Variants in RABGAP1 observed in about 807,000 individuals in gnomAD.
The protein encoded by RABGAP1 is rab GTPase-activating protein 1.
In RABGAP1, 23 loss-of-function variants were observed where a neutral mutation model predicts 137.6. The observed-to-expected ratio is 0.17, with a 90% CI of 0.12 to 0.24. RABGAP1 has a LOEUF of 0.24. Ranked by LOEUF, RABGAP1 falls within the 10% of genes least tolerant of loss-of-function variation. The pLI, the probability that RABGAP1 is intolerant of heterozygous loss-of-function variation, is 1.00. For missense variants in RABGAP1, 906 were observed against 1,275.8 expected (o/e 0.71, Z 4.42); for synonymous variants, 451 against 450.7 (o/e 1.00, Z -0.01).
intron 11 of RABGAP1, among the ~76,000 whole-genome samples, chr9:123,010,731 T>C (rs1386486967): frequency 6.6e-6 from 1 of 152,170 alleles, no homozygotes; most frequent in Non-Finnish European, 1.5e-5. Flanking sequence ...TGTAACCCAG[T>C]TGGAAAAATG....
chr9:122,934,035 G>T, the RABGAP1 span, among the ~76,000 whole-genome samples: 1 of 151,604 alleles, frequency 6.6e-6, no homozygotes, highest in Non-Finnish European at 1.5e-5. Flanking sequence ...TACTGCGGTT[G>T]TAAGCCACTG....
chr9:123,021,712 TA>T (rs1415753289), intron 13 of RABGAP1, among the ~76,000 whole-genome samples: 4 of 152,342 alleles, frequency 2.6e-5, no homozygotes, highest in African/African-American at 7.2e-5. Context: ...CATCATCCTA[TA>T]TCCAGACAGA....
chr9:123,097,941 A>T, intron 22 of RABGAP1, 96 bp downstream of exon 22: 1 of 986,048 alleles, frequency 1.0e-6, no homozygotes, highest in Non-Finnish European at 1.5e-6. Context: ...ACCTAGAGAC[A>T]TCTGGCTTCA....
rs78148036 is a variant in RABGAP1 at position 123,006,152 on chromosome 9, T to A, written c.1375-4202T>A. ...TTTGTCACTTATCTTTTAGCTTACA[T>A]CATGGTGATTCTTTTTGGGTTTGTC... On this transcript the variant is annotated intron_variant, in intron 10 of 25. Coordinates refer to ENST00000373647, the MANE Select transcript of RABGAP1 (RefSeq NM_012197.4). 8.9e-3 allele frequency among the ~76,000 whole-genome samples: 1,354 copies of A among 152,328 alleles called. 16 individuals carry two copies. The highest frequency in any genetic ancestry group is 0.031 in the African/African-American group (1,280 of 41,578).
chr9:123,010,332 A>G (rs1314963333), intron 10 of RABGAP1, 22 bp from the exon 11 acceptor site: 3 of 1,576,494 alleles, frequency 1.9e-6, no homozygotes, highest in Non-Finnish European at 1.7e-6. Flanking sequence ...TGCTTAATAA[A>G]TAATATTTTT....
At chr9:123,051,206 A>C (rs1197537666) in intron 13 of RABGAP1, among the ~76,000 whole-genome samples, 1 of 37,094 alleles carries the variant, frequency 2.7e-5, no homozygotes, top group African/African-American at 7.9e-5. Context: ...TTGTGATTTT[A>C]TTCACCTTGG....
At chr9:122,975,319 T>A (rs1835707790) in intron 2 of RABGAP1, among the ~76,000 whole-genome samples, 1 of 152,208 alleles carries the variant, frequency 6.6e-6, no homozygotes. Flanking sequence ...AAGTTGGTAT[T>A]GTTGCAGTGA....
chr9:123,018,358 T>C (rs773218136), intron 12 of RABGAP1, among the ~76,000 whole-genome samples: 6 of 152,242 alleles, frequency 3.9e-5, no homozygotes, highest in Non-Finnish European at 7.3e-5. Context: ...ATTTTATCAA[T>C]GTAAATTAAG....
intron 15 of RABGAP1, chr9:123,071,407 T>C (rs1404478844): frequency 2.0e-5 from 3 of 152,232 alleles, no homozygotes; most frequent in Non-Finnish European, 4.4e-5. Flanking sequence ...TTTCTCATGA[T>C]TCAGTTTAAA....
chr9:122,970,364 T>C (rs1835405013), intron 2 of RABGAP1, among the ~76,000 whole-genome samples: 1 of 152,190 alleles, frequency 6.6e-6, no homozygotes, highest in African/African-American at 2.4e-5. Context: ...AAGCCAGGAC[T>C]TCAAGGCTGC....
intron 11 of RABGAP1, 73 bp downstream of exon 11, chr9:123,010,601 G>A (rs2030724482): frequency 7.3e-7 from 1 of 1,363,244 alleles, no homozygotes; most frequent in Admixed American, 2.0e-5. Flanking sequence ...CGTATCAGGG[G>A]ATTGATAATG....
chr9:123,006,558 C>T (rs1197077949), intron 10 of RABGAP1, among the ~76,000 whole-genome samples: 1 of 152,126 alleles, frequency 6.6e-6, no homozygotes, highest in Non-Finnish European at 1.5e-5. Flanking sequence ...TTCTGTTCCT[C>T]TGGTCTTGCA....
intron 1 of RABGAP1, among the ~76,000 whole-genome samples, chr9:122,952,694 C>A (rs1384013129): frequency 1.3e-5 from 2 of 152,138 alleles, no homozygotes; most frequent in African/African-American, 2.4e-5. Context: ...TAGGATCACA[C>A]TACCACATTC....
chr9:122,996,466 T>C (rs1837027971), intron 7 of RABGAP1, 73 bp from the exon 8 acceptor site: 5 of 1,412,356 alleles, frequency 3.5e-6, no homozygotes, highest in Admixed American at 4.3e-5. Context: ...GAATTTGTTT[T>C]TAAAGTGGCC....
chr9:123,008,927 TC>T (rs1267951509), intron 10 of RABGAP1, among the ~76,000 whole-genome samples: 1 of 152,224 alleles, frequency 6.6e-6, no homozygotes, highest in African/African-American at 2.4e-5. Context: ...TTTGCATATC[TC>T]CTGGACACAA....
intron 2 of RABGAP1, among the ~76,000 whole-genome samples, chr9:122,959,080 AAATT>A (rs370286330): frequency 1.4e-3 from 212 of 152,268 alleles, no homozygotes; most frequent in African/African-American, 4.4e-3. Context: ...AAACTTAAAA[AAATT>A]AATTAATAAG....
chr9:122,939,085 A>G (rs150064762), upstream of RABGAP1: 14 of 152,344 alleles, frequency 9.2e-5, no homozygotes, highest in African/African-American at 3.4e-4. Flanking sequence ...GTTAGGTATT[A>G]TGTGAGAGGA....
chr9:123,007,373 CTT>C lies in RABGAP1; in HGVS notation c.1375-2962_1375-2961del, dbSNP rs1298703088. On this transcript the variant is annotated intron_variant, in intron 10 of 25. Transcript: ENST00000373647. Reference sequence around the variant, plus strand: ...TATAGGCGTGAGCTACTGAGCCTGGCTTTTTTTTTTTTTTTTTTTTCCAAGAC... The same window carrying C: ...TATAGGCGTGAGCTACTGAGCCTGGCTTTTTTTTTTTTTTTTTTCCAAGAC... Among the ~76,000 whole-genome samples, 68 of 112,734 alleles carry C rather than the reference CTT, an allele frequency of 6.0e-4. 2 individuals are homozygous for C. The East Asian group carries it at 0.012, about 19-fold the overall frequency. The allele number at this position is 112,734 out of a possible 152,430, so 74.0% of individuals were successfully genotyped here.
intron 13 of RABGAP1, among the ~76,000 whole-genome samples, chr9:123,030,147 A>G (rs1018798296): frequency 6.6e-6 from 1 of 152,308 alleles, no homozygotes; most frequent in South Asian, 2.1e-4. Flanking sequence ...AAGTATCGGT[A>G]AGTTCGTAAT....
Sources: gnomAD v4.1 joint callset for allele counts (sites outside exome capture counted in the v4.1 genomes callset) on GRCh38, gnomAD v4.1.1 for gene constraint, MANE v1.5 for transcripts, NCBI Gene and HGNC (gene_info 2026-07-23, HGNC 2026-07-21) for gene names.